RANGAP1: variants seen among roughly 807,000 people sequenced by gnomAD.
RANGAP1 encodes ran GTPase-activating protein 1.
A neutral mutation model predicts 63.5 loss-of-function variants in RANGAP1; 38 were observed. The observed-to-expected ratio is 0.60, with a 90% CI of 0.46 to 0.78. The LOEUF is 0.78. Among genes scored for constraint, RANGAP1 ranks in the 30% least tolerant of loss-of-function variants. The pLI, the probability that RANGAP1 is intolerant of heterozygous loss-of-function variation, is 0.00. For synonymous variants in RANGAP1, 329 were observed against 310.5 expected (o/e 1.06, Z -0.63); for missense variants, 630 against 740.3 (o/e 0.85, Z 1.73).
At chr22:41,294,505 G>GGCC in the RANGAP1 span, among the ~76,000 whole-genome samples, 14 of 148,944 alleles carry the variant, frequency 9.4e-5, no homozygotes, top group Non-Finnish European at 1.6e-4. Flanking sequence ...CTCTCTGCCT[G>GGCC]GCCGCCCATC....
rs1432042627 is a variant in RANGAP1, at chr22:41,274,938, T to C, written c.113-211A>G. ...GTAATGAGTGTTAAAACCAGGCATG[T>C]AGAGAGGCTTGGGAGCCGAGGGAAA... On this transcript the variant is annotated intron_variant, in intron 2 of 15. Coordinates refer to ENST00000356244, the MANE Select transcript of RANGAP1 (RefSeq NM_002883.4). Among the ~76,000 whole-genome samples, 4 of 151,884 alleles carry C rather than the reference T, an allele frequency of 2.6e-5. No homozygotes were observed. The East Asian group carries it at 5.8e-4, about 22-fold the overall frequency.
chr22:41,274,034 C>T lies in RANGAP1; in HGVS notation c.240+566G>A, dbSNP rs557009530. On this transcript the variant is annotated intron_variant, in intron 3 of 15. Transcript: ENST00000356244. Reference sequence around the variant, plus strand: ...CGGAGATTGCAGTGAGCTGAGATTGCGCCACTGAACTCCAGCCTGGACGAC... The same window carrying T: ...CGGAGATTGCAGTGAGCTGAGATTGTGCCACTGAACTCCAGCCTGGACGAC... Among the ~76,000 whole-genome samples, 113 of 152,104 alleles carry T rather than the reference C, an allele frequency of 7.4e-4. 1 individual carries two copies. Among genetic ancestry groups the T allele is most frequent in the Non-Finnish European group, 1.5e-3 (99 of 68,022 alleles).
At position 41,274,682 on chromosome 22, in the gene RANGAP1, G is replaced by A; in HGVS notation, c.158C>T (p.Ala53Val). 6.2e-7 allele frequency: 1 copy of A among 1,614,172 alleles called. No individual in the cohort carries two copies. The highest frequency in any genetic ancestry group is 8.5e-7 in the Non-Finnish European group (1 of 1,180,024). ...KEIEDFDSLEALRLEGNTVGV... is the reference protein window; with the variant it reads ...KEIEDFDSLEVLRLEGNTVGV... ...CACTGTGTTGCCTTCCAGACGCAGA[G>A]CCTCCAAGCTGTCAAAGTCTTCAAT... Residue 53 changes from alanine (A) to valine (V), a missense_variant, in exon 3 of 16, where the codon GCT (alanine) becomes GTT (valine). This residue lies in a region of RANGAP1 where 65 missense variants were observed against 60.5 expected (regional missense o/e 1.07). Coordinates refer to ENST00000356244, the MANE Select transcript of RANGAP1 (RefSeq NM_002883.4).
chr22:41,270,031 C>T (rs1300741537), intron 3 of RANGAP1, among the ~76,000 whole-genome samples: 1 of 151,860 alleles, frequency 6.6e-6, no homozygotes, highest in Non-Finnish European at 1.5e-5. Flanking sequence ...GATGGGGTTT[C>T]GCCATATTGG....
the RANGAP1 span, among the ~76,000 whole-genome samples, chr22:41,292,518 T>C: frequency 6.6e-6 from 1 of 152,134 alleles, no homozygotes. Context: ...CCCAGGACTT[T>C]GGGAGGCCGA....
At chr22:41,297,871 T>G in the RANGAP1 span, among the ~76,000 whole-genome samples, 6 of 149,620 alleles carry the variant, frequency 4.0e-5, no homozygotes, top group African/African-American at 1.5e-4. Flanking sequence ...TTTTTTTTCT[T>G]TTTTTGAGAT....
chr22:41,265,538 G>A (rs1397512821), intron 4 of RANGAP1, among the ~76,000 whole-genome samples: 1 of 152,166 alleles, frequency 6.6e-6, no homozygotes. Context: ...GTTCGTGCAG[G>A]AGGAGGGAGG....
intron 3 of RANGAP1, among the ~76,000 whole-genome samples, chr22:41,272,499 G>A (rs2034897979): frequency 6.6e-6 from 1 of 152,028 alleles, no homozygotes. Context: ...AGTGTGATGT[G>A]TGGCTTGGCC....
In RANGAP1 at chr22:41,254,389, C is replaced by T; in HGVS notation, c.1179G>A (p.Glu393=). The T allele has an allele frequency of 1.2e-6, 2 of 1,613,820 alleles. No individual in the cohort carries two copies. The highest frequency in any genetic ancestry group is 1.7e-6 in the Non-Finnish European group (2 of 1,179,792). ...DEEEEEEEEE[E]EEEEPQQRGQ... Reference sequence around the variant, plus strand: ...CTCGCTGCTGAGGCTCTTCTTCCTCCTCCTCCTCCTCTTCTTCCTCCTCTT... The same window carrying T: ...CTCGCTGCTGAGGCTCTTCTTCCTCTTCCTCCTCCTCTTCTTCCTCCTCTT... Residue 393 remains glutamate (E), a synonymous_variant, in exon 11 of 16, where the codon GAG becomes GAA. Transcript: ENST00000356244.
At position 41,280,922 on chromosome 22, in the gene RANGAP1, C is replaced by T. The variant is rs567249799; in HGVS notation, c.112+11G>A. ...CCTGGACACACCAGTGCACAACTTC[C>T]AGAAACTCACCATCTTCTGCAGTGT... On this transcript the variant is annotated intron_variant, in intron 2 of 15. Coordinates refer to ENST00000356244, the MANE Select transcript of RANGAP1 (RefSeq NM_002883.4). 6.2e-7 allele frequency: 1 copy of T among 1,613,858 alleles called. No individual in the cohort carries two copies. Among genetic ancestry groups the T allele is most frequent in the East Asian group, 2.2e-5 (1 of 44,876 alleles).
intron 3 of RANGAP1, among the ~76,000 whole-genome samples, chr22:41,272,812 CTT>C (rs951444521): frequency 6.7e-6 from 1 of 148,162 alleles, no homozygotes; most frequent in Admixed American, 6.8e-5. Flanking sequence ...CCAGGCCCGG[CTT>C]TTTTTTTTCT....
At position 41,253,008 on chromosome 22, in the gene RANGAP1, C is replaced by A; in HGVS notation, c.1261-17G>T. Reference sequence around the variant, plus strand: ...AGCTGGCTCCTGGGAAGTAGGGGCACAGAGGCTCTGGAGAATTCCGGACCC... The same window carrying A: ...AGCTGGCTCCTGGGAAGTAGGGGCAAAGAGGCTCTGGAGAATTCCGGACCC... On this transcript the variant is annotated splice_polypyrimidine_tract_variant and intron_variant, in intron 11 of 15. Transcript: ENST00000356244. 6.9e-7 allele frequency: 1 copy of A among 1,449,020 alleles called. No homozygotes were observed. The highest frequency in any genetic ancestry group is 9.1e-7 in the Non-Finnish European group (1 of 1,100,076). The allele number at this position is 1,449,020 out of a possible 1,614,324, so 89.8% of individuals were successfully genotyped here. A position where few individuals can be genotyped will look rare whatever the true frequency, so the allele number is the denominator to read the frequency against.
the RANGAP1 span, among the ~76,000 whole-genome samples, chr22:41,298,855 G>C: frequency 1.3e-5 from 2 of 152,162 alleles, no homozygotes; most frequent in African/African-American, 4.8e-5. Context: ...CCATGGACTG[G>C]ATGGCTTAAG....
At chr22:41,278,379 T>C (rs975201893) in intron 2 of RANGAP1, among the ~76,000 whole-genome samples, 2 of 152,244 alleles carry the variant, frequency 1.3e-5, no homozygotes, top group African/African-American at 4.8e-5. Flanking sequence ...ATTAAAGCTG[T>C]GCCCTTAGGC....
chr22:41,281,741 G>T, intron 1 of RANGAP1: 1 of 660,140 alleles, frequency 1.5e-6, no homozygotes, highest in Non-Finnish European at 1.9e-6. Context: ...TACCTATGAA[G>T]CCCTACTATA....
At chr22:41,301,154 G>A in the RANGAP1 span, among the ~76,000 whole-genome samples, 1 of 151,924 alleles carries the variant, frequency 6.6e-6, no homozygotes, top group Non-Finnish European at 1.5e-5. Flanking sequence ...ATGTGTCTCC[G>A]GTTCCCATCT....
intron 2 of RANGAP1, among the ~76,000 whole-genome samples, chr22:41,279,579 T>A (rs941416394): frequency 1.3e-5 from 2 of 150,026 alleles, no homozygotes; most frequent in Admixed American, 6.6e-5. Flanking sequence ...CAGGCAGAGG[T>A]TAAAGTGAGC....
At chr22:41,276,593 C>A (rs778356276) in intron 2 of RANGAP1, among the ~76,000 whole-genome samples, 1 of 151,770 alleles carries the variant, frequency 6.6e-6, no homozygotes. Flanking sequence ...GAGCCGAGAT[C>A]GTGGCATTGC....
At chr22:41,281,324 A>C in intron 1 of RANGAP1, 2 of 816,380 alleles carry the variant, frequency 2.4e-6, no homozygotes, top group Non-Finnish European at 3.1e-6. Flanking sequence ...ATCTCATTAC[A>C]AGTCCTCCTC....
Sources: allele counts gnomAD v4.1 joint callset (sites outside exome capture counted in the v4.1 genomes callset), GRCh38; gene constraint gnomAD v4.1.1; regional missense constraint gnomAD v4.1.1; transcripts MANE v1.5; gene names NCBI Gene and HGNC (gene_info 2026-07-23, HGNC 2026-07-21).